OXCT1: variants seen among roughly 807,000 people sequenced by gnomAD.
OXCT1 encodes the protein succinyl-CoA:3-ketoacid coenzyme A transferase 1, mitochondrial.
A neutral mutation model predicts 69.6 loss-of-function variants in OXCT1; 27 were observed. That is an observed-to-expected ratio of 0.39 (90% CI 0.29 to 0.54). The LOEUF (loss-of-function observed/expected upper bound fraction) is 0.54, where lower values mean the gene tolerates loss of function less well. Ranked by LOEUF, OXCT1 falls within the 20% of genes least tolerant of loss-of-function variation. The probability of loss-of-function intolerance (pLI) is 0.72; values close to 1 mark genes in which losing one functional copy is unlikely to be tolerated. For missense variants in OXCT1, 437 were observed against 650.2 expected (o/e 0.67, Z 3.57); for synonymous variants, 202 against 217.8 (o/e 0.93, Z 0.64).
In OXCT1 at chr5:41,842,617, T is replaced by C. The variant is rs112730378; in HGVS notation, c.671+58A>G. On this transcript the variant is annotated intron_variant, in intron 6 of 16. Transcript: ENST00000196371. ...ACATTTTTAAATTCCAAATTCACTCTGATGTCCATTTTTAGAGTTGCTGAT... is the reference window on the plus strand; with the variant it reads ...ACATTTTTAAATTCCAAATTCACTCCGATGTCCATTTTTAGAGTTGCTGAT... 326 of 1,169,762 alleles carry C rather than the reference T, an allele frequency of 2.8e-4. No homozygotes were observed. The African/African-American group carries it at 4.2e-3, about 15-fold the overall frequency. 72.5% of individuals were successfully genotyped at this position (1,169,762 alleles called of 1,614,324 possible). A position where few individuals can be genotyped will look rare whatever the true frequency, so the allele number is the denominator to read the frequency against.
chr5:41,730,856 C>T lies in OXCT1; in HGVS notation c.*873G>A, dbSNP rs1742584645. The T allele has an allele frequency of 6.6e-6, 1 of 152,162 alleles. No homozygotes were observed. Among genetic ancestry groups the T allele is most frequent in the Non-Finnish European group, 1.5e-5 (1 of 68,030 alleles). 9.4% of individuals were successfully genotyped at this position (152,162 alleles called of 1,614,324 possible). ...TTCAATATTTAAAATCTCCTCTGAA[C>T]CAAAACAAGAGCCTGAAAGTAAAAC... On this transcript the variant is annotated 3_prime_UTR_variant, in exon 17 of 17. Transcript: ENST00000196371.
At chr5:41,770,964 T>C (rs187319734) in intron 13 of OXCT1, among the ~76,000 whole-genome samples, 312 of 152,314 alleles carry the variant, frequency 2.0e-3, no homozygotes, top group African/African-American at 7.3e-3. Flanking sequence ...TCTAACACAT[T>C]GTCTATTGCA....
In OXCT1 at chr5:41,842,739, T is replaced by A. The variant is rs1341220767; in HGVS notation, c.607A>T (p.Ile203Phe). 6.2e-7 allele frequency: 1 copy of A among 1,613,718 alleles called. No homozygotes were observed. The highest frequency in any genetic ancestry group is 8.5e-7 in the Non-Finnish European group (1 of 1,179,772). The change falls in exon 6 of 17, where the codon ATT becomes TTT. Residue 203 changes from isoleucine to phenylalanine, a missense_variant. By Grantham distance (21) the Ile-to-Phe change is conservative. Coordinates refer to ENST00000196371, the MANE Select transcript of OXCT1 (RefSeq NM_000436.4). ...TTCACCAAAGCAAAATCCCCTGTAA[T>A]TGCTTCCTCCAAAATAAAGTGCTGA... ...NGQHFILEEA[I>F]TGDFALVKAW...
chr5:41,775,633 T>C (rs1745085850), intron 13 of OXCT1, among the ~76,000 whole-genome samples: 1 of 152,080 alleles, frequency 6.6e-6, no homozygotes, highest in African/African-American at 2.4e-5. Context: ...CCAGACCCTC[T>C]CTCCTTCCTA....
chr5:41,869,007 T>C (rs972212090), intron 1 of OXCT1, among the ~76,000 whole-genome samples: 1 of 152,194 alleles, frequency 6.6e-6, no homozygotes, highest in African/African-American at 2.4e-5. Context: ...GTTCCTGACC[T>C]CGGCCCAAGG....
intron 5 of OXCT1, among the ~76,000 whole-genome samples, chr5:41,844,648 C>T (rs1175405367): frequency 6.6e-6 from 1 of 152,020 alleles, no homozygotes; most frequent in Non-Finnish European, 1.5e-5. Context: ...ATGACGTTCA[C>T]TAAGCACCTC....
intron 13 of OXCT1, among the ~76,000 whole-genome samples, chr5:41,780,551 A>G (rs1243863925): frequency 6.6e-6 from 1 of 152,232 alleles, no homozygotes; most frequent in Non-Finnish European, 1.5e-5. Flanking sequence ...GATTAAATTC[A>G]AAATATTTTC....
At chr5:41,861,565 T>C (rs1427656821) in intron 2 of OXCT1, among the ~76,000 whole-genome samples, 161 bp from the exon 3 acceptor site, 1 of 152,204 alleles carries the variant, frequency 6.6e-6, no homozygotes, top group African/African-American at 2.4e-5. Context: ...TAAATGGTCA[T>C]ATAGCTGTAT....
At chr5:41,786,155 G>A (rs967800091) in intron 13 of OXCT1, among the ~76,000 whole-genome samples, 8 of 152,112 alleles carry the variant, frequency 5.3e-5, no homozygotes, top group South Asian at 4.1e-4. Context: ...GAAGCTGCTG[G>A]GGAAGCATCC....
At chr5:41,869,054 C>T (rs1252294939) in intron 1 of OXCT1, among the ~76,000 whole-genome samples, 2 of 152,176 alleles carry the variant, frequency 1.3e-5, no homozygotes, top group Non-Finnish European at 1.5e-5. Flanking sequence ...GCTTCAGCAC[C>T]GCTGCAATCT....
intron 5 of OXCT1, among the ~76,000 whole-genome samples, chr5:41,848,037 T>A (rs2112434049): frequency 6.8e-6 from 1 of 147,606 alleles, no homozygotes; most frequent in Admixed American, 6.8e-5. Context: ...AACCCCACTG[T>A]CTCAGCCCAA....
intron 5 of OXCT1, among the ~76,000 whole-genome samples, chr5:41,844,532 G>A (rs1112842): frequency 0.015 from 2,328 of 151,322 alleles, 68 homozygotes; most frequent in African/African-American, 0.054. Context: ...AAATGTCAAC[G>A]AGGTGCTCTG....
intron 4 of OXCT1, among the ~76,000 whole-genome samples, chr5:41,853,033 C>T (rs780585421): frequency 9.9e-5 from 15 of 151,742 alleles, no homozygotes; most frequent in African/African-American, 1.7e-4. Context: ...ATCACACCGC[C>T]GCACTCCACC....
At chr5:41,849,825 T>A (rs187203838) in intron 5 of OXCT1, among the ~76,000 whole-genome samples, 6 of 152,350 alleles carry the variant, frequency 3.9e-5, no homozygotes, top group African/African-American at 1.4e-4. Context: ...ACACCATTTT[T>A]TCCTTCTTTT....
intron 7 of OXCT1, among the ~76,000 whole-genome samples, chr5:41,836,569 G>A (rs1054969253): frequency 1.3e-5 from 2 of 152,186 alleles, no homozygotes; most frequent in African/African-American, 4.8e-5. Context: ...TTTTTCCACA[G>A]ATGGGGGTTG....
chr5:41,794,025 T>C lies in OXCT1; in HGVS notation c.1226A>G (p.Asp409Gly). The change falls in exon 13 of 17, where the codon GAC becomes GGC. Residue 409 changes from aspartate (D) to glycine (G), a missense_variant. Physicochemically the swap from Asp to Gly is moderately conservative, Grantham distance 94 (BLOSUM62 -1). Around this residue, in one of 4 missense-constraint regions of OXCT1, gnomAD observed 102 missense variants for 162.1 expected, o/e 0.63. Coordinates refer to ENST00000196371, the MANE Select transcript of OXCT1 (RefSeq NM_000436.4). ...TACAGGTATCATCCAGTTAGCCAGG[T>C]CACCATATTTGGAAACCTGCATCGC... is the stretch of plus-strand genomic sequence containing the variant. ...LGAMQVSKYG[D>G]LANWMIPGKM... 6.2e-7 allele frequency: 1 copy of C among 1,611,022 alleles called. No homozygotes were observed. The highest frequency in any genetic ancestry group is 8.5e-7 in the Non-Finnish European group (1 of 1,177,328).
chr5:41,816,908 G>A (rs1036171289), intron 7 of OXCT1, among the ~76,000 whole-genome samples: 1 of 152,008 alleles, frequency 6.6e-6, no homozygotes, highest in African/African-American at 2.4e-5. Context: ...TCTCCTCCGT[G>A]GCTACCCTCA....
At chr5:41,755,113 T>G (rs925180813) in intron 14 of OXCT1, among the ~76,000 whole-genome samples, 1 of 152,082 alleles carries the variant, frequency 6.6e-6, no homozygotes, top group African/African-American at 2.4e-5. Flanking sequence ...TGTGGTACCT[T>G]AGAAAGCCTC....
At chr5:41,795,132 G>T (rs759819870) in intron 11 of OXCT1, among the ~76,000 whole-genome samples, 1 of 152,084 alleles carries the variant, frequency 6.6e-6, no homozygotes, top group Non-Finnish European at 1.5e-5. Flanking sequence ...CAAGCATTAG[G>T]TTATCATAAG....
Sources: gnomAD v4.1 joint callset for allele counts (sites outside exome capture counted in the v4.1 genomes callset) on GRCh38, gnomAD v4.1.1 for gene constraint, gnomAD v4.1.1 regional missense constraint, MANE v1.5 for transcripts, NCBI Gene and HGNC (gene_info 2026-07-23, HGNC 2026-07-21) for gene names.